Variants in SUMF1 observed in about 807,000 individuals in gnomAD.
The protein encoded by SUMF1 is formylglycine-generating enzyme.
In SUMF1, 48 loss-of-function variants were observed where a neutral mutation model predicts 47.6. The observed-to-expected ratio is 1.01, with a 90% CI of 0.80 to 1.28. SUMF1 has a LOEUF of 1.28. Ranked by LOEUF, SUMF1 falls within the 50% of genes most tolerant of loss-of-function variation. SUMF1 has a pLI of 0.00. For synonymous variants in SUMF1, 230 were observed against 192.1 expected, an observed-to-expected ratio of 1.20 and a Z score of -1.63; for missense variants, 571 against 485.4, an observed-to-expected ratio of 1.18 and a Z score of -1.66.
intron 8 of SUMF1, among the ~76,000 whole-genome samples, chr3:4,189,185 G>T (rs1034561957): frequency 2.6e-5 from 4 of 152,012 alleles, no homozygotes; most frequent in Non-Finnish European, 5.9e-5. Context: ...TTTTGTATTT[G>T]TATCTCCTGG....
Position 4,131,438 on chromosome 3 carries a change from C to T in SUMF1, c.1015-62693G>A, listed in dbSNP as rs554586879. ...CAAATGGGTCTGCACAATATGCAAG[C>T]ACCACCCAAAAGTGGACAGCTGCAC... On this transcript the variant is annotated intron_variant and NMD_transcript_variant, in intron 8 of 12. Coordinates refer to the SUMF1 transcript ENST00000448413. Among the ~76,000 whole-genome samples, 63 of 152,272 alleles carry T rather than the reference C, an allele frequency of 4.1e-4. 1 individual carries two copies. Among genetic ancestry groups the T allele is most frequent in the African/African-American group, 1.3e-3 (54 of 41,554 alleles).
chr3:4,432,443 T>A (rs950149324), intron 3 of SUMF1, among the ~76,000 whole-genome samples: 2 of 152,168 alleles, frequency 1.3e-5, no homozygotes, highest in Admixed American at 6.5e-5. Flanking sequence ...GTGTTTCAGA[T>A]GAAAACCAAA....
intron 8 of SUMF1, among the ~76,000 whole-genome samples, chr3:4,260,760 C>G (rs2629234): frequency 6.6e-6 from 1 of 151,636 alleles, no homozygotes; most frequent in African/African-American, 2.4e-5. Flanking sequence ...AAATTTAATA[C>G]TGGCAGAGAC....
chr3:4,308,584 T>C (rs543037212), intron 8 of SUMF1, among the ~76,000 whole-genome samples: 1 of 152,334 alleles, frequency 6.6e-6, no homozygotes, highest in African/African-American at 2.4e-5. Flanking sequence ...ATCCTTGTCT[T>C]ATAGCTACTA....
At chr3:4,328,230 T>C (rs1698983784) in intron 8 of SUMF1, among the ~76,000 whole-genome samples, 3 of 151,810 alleles carry the variant, frequency 2.0e-5, no homozygotes, top group South Asian at 4.2e-4. Context: ...AATAAATAAA[T>C]ATAAATTTAA....
intron 8 of SUMF1, among the ~76,000 whole-genome samples, chr3:4,152,021 A>G (rs1694347747): frequency 6.6e-6 from 1 of 151,642 alleles, no homozygotes; most frequent in Non-Finnish European, 1.5e-5. Context: ...TGATGAAAAT[A>G]CAAGCATTCA....
At chr3:4,391,649 AT>A (rs954793974) in intron 7 of SUMF1, among the ~76,000 whole-genome samples, 2 of 151,832 alleles carry the variant, frequency 1.3e-5, no homozygotes, top group African/African-American at 4.8e-5. Context: ...TACCTGACTA[AT>A]TTTTGTAATT....
chr3:4,459,529 G>A (rs2079755109), intron 1 of SUMF1, among the ~76,000 whole-genome samples: 1 of 152,110 alleles, frequency 6.6e-6, no homozygotes, highest in Non-Finnish European at 1.5e-5. Context: ...TTCCTTGCTG[G>A]TGGCTGCTTT....
At chr3:4,402,179 GA>G (rs1016524265) in intron 7 of SUMF1, among the ~76,000 whole-genome samples, 3 of 152,196 alleles carry the variant, frequency 2.0e-5, no homozygotes, top group African/African-American at 7.2e-5. Flanking sequence ...GAAACTAAAA[GA>G]AGTGGGGAAA....
chr3:4,402,364 G>C (rs1701239432), intron 7 of SUMF1, among the ~76,000 whole-genome samples: 1 of 152,140 alleles, frequency 6.6e-6, no homozygotes, highest in Non-Finnish European at 1.5e-5. Flanking sequence ...GAGAACAGAG[G>C]TCACCAAGGC....
intron 8 of SUMF1, among the ~76,000 whole-genome samples, chr3:4,119,095 T>G (rs745429965): frequency 2.0e-5 from 3 of 152,120 alleles, no homozygotes; most frequent in Non-Finnish European, 4.4e-5. Context: ...CATTTTTCAT[T>G]CCAGCTAATG....
At chr3:4,348,179 T>C (rs1348169016) in intron 8 of SUMF1, among the ~76,000 whole-genome samples, 1 of 152,152 alleles carries the variant, frequency 6.6e-6, no homozygotes, top group East Asian at 1.9e-4. Flanking sequence ...AAAAACTATT[T>C]TAAATTTCAT....
At chr3:4,370,250 A>C (rs896958038) in intron 8 of SUMF1, among the ~76,000 whole-genome samples, 12 of 152,338 alleles carry the variant, frequency 7.9e-5, no homozygotes, top group African/African-American at 2.9e-4. Context: ...AAAGGTGGTT[A>C]ATGATGTCTT....
At position 4,211,119 on chromosome 3, in the gene SUMF1, T is replaced by TATATATATATATATATATATATATACAC. The variant is rs1440211464; in HGVS notation, c.1015-142375_1015-142374insGTGTATATATATATATATATATATATAT. The stretch of plus-strand genomic sequence containing the variant: ...ATAAACTCCCATATATATATATATA[T>TATATATATATATATATATATATATACAC]ATACACACACACACACATATATACA... On this transcript the variant is annotated intron_variant and NMD_transcript_variant, in intron 8 of 12. Coordinates refer to the SUMF1 transcript ENST00000448413. 4.8e-4 allele frequency among the ~76,000 whole-genome samples: 64 copies of TATATATATATATATATATATATATACAC among 133,744 alleles called. 1 individual carries two copies. The highest frequency in any genetic ancestry group is 1.9e-3 in the African/African-American group (64 of 33,890). The allele number at this position is 133,744 out of a possible 152,430, so 87.7% of individuals were successfully genotyped here.
chr3:4,288,858 A>G (rs1425243985), intron 8 of SUMF1, among the ~76,000 whole-genome samples: 1 of 152,074 alleles, frequency 6.6e-6, no homozygotes, highest in Non-Finnish European at 1.5e-5. Flanking sequence ...AATACAATTT[A>G]ATTTCTGCCC....
At chr3:4,163,668 C>T (rs1694635367) in intron 8 of SUMF1, among the ~76,000 whole-genome samples, 2 of 151,654 alleles carry the variant, frequency 1.3e-5, no homozygotes, top group African/African-American at 4.8e-5. Flanking sequence ...GTGCCATGCT[C>T]AAGGTCTAGA....
intron 8 of SUMF1, 62 bp from the exon 9 acceptor site, chr3:4,362,316 A>G (rs1049736044): frequency 1.5e-6 from 2 of 1,361,306 alleles, no homozygotes; most frequent in African/African-American, 1.4e-5. Context: ...GCTCTAACCC[A>G]TCAGATGCAT....
chr3:4,240,738 T>A (rs1037089694), intron 8 of SUMF1, among the ~76,000 whole-genome samples: 2 of 151,952 alleles, frequency 1.3e-5, no homozygotes, highest in African/African-American at 2.4e-5. Flanking sequence ...TTTTTAAATA[T>A]TTTTTACTTT....
At chr3:4,244,360 C>G (rs1184075220) in intron 8 of SUMF1, among the ~76,000 whole-genome samples, 1 of 152,186 alleles carries the variant, frequency 6.6e-6, no homozygotes, top group African/African-American at 2.4e-5. Flanking sequence ...CATCAATGGT[C>G]TTTACAATTT....
Sources: gnomAD v4.1 joint callset for allele counts (sites outside exome capture counted in the v4.1 genomes callset) on GRCh38, gnomAD v4.1.1 for gene constraint, MANE v1.5 for transcripts, NCBI Gene and HGNC (gene_info 2026-07-23, HGNC 2026-07-21) for gene names.